SOX5: variants seen among roughly 807,000 people sequenced by gnomAD.
The protein encoded by SOX5 is transcription factor SOX-5.
SOX5 carries 9 observed loss-of-function variants against 92.0 expected under a neutral mutation model. The ratio of observed to expected loss-of-function variants is 0.10; its 90% CI spans 0.06 to 0.17. SOX5 has a LOEUF of 0.17. Ranked by LOEUF, SOX5 falls within the 10% of genes least tolerant of loss-of-function variation. The pLI, the probability that SOX5 is intolerant of heterozygous loss-of-function variation, is 1.00. For synonymous variants in SOX5, 344 were observed against 336.3 expected (o/e 1.02, Z -0.25); for missense variants, 642 against 944.5 (o/e 0.68, Z 4.20).
At chr12:24,164,478 T>C (rs1953151535) in intron 4 of SOX5, among the ~76,000 whole-genome samples, 1 of 152,048 alleles carries the variant, frequency 6.6e-6, no homozygotes, top group African/African-American at 2.4e-5. Context: ...AATAGTAATG[T>C]TGTCTATTTA....
chr12:23,758,450 C>T (rs1390565901), intron 3 of SOX5, among the ~76,000 whole-genome samples: 1 of 150,942 alleles, frequency 6.6e-6, no homozygotes, highest in East Asian at 1.9e-4. Flanking sequence ...ATAATAATAG[C>T]TACTATTTAG....
At chr12:23,700,924 C>T (rs1372140800) in intron 6 of SOX5, among the ~76,000 whole-genome samples, 4 of 151,304 alleles carry the variant, frequency 2.6e-5, no homozygotes, top group Non-Finnish European at 5.9e-5. Context: ...TATATATACA[C>T]ATATACATAT....
chr12:23,811,042 T>G (rs2095867180), intron 3 of SOX5, among the ~76,000 whole-genome samples: 1 of 152,148 alleles, frequency 6.6e-6, no homozygotes, highest in Non-Finnish European at 1.5e-5. Context: ...TATTTTAATC[T>G]GAGTGGGGGT....
intron 4 of SOX5, among the ~76,000 whole-genome samples, chr12:24,008,189 T>C (rs186723694): frequency 7.2e-5 from 11 of 152,272 alleles, no homozygotes; most frequent in African/African-American, 2.4e-4. Context: ...AAGCTACTTT[T>C]ACCAAAACAC....
At chr12:23,830,210 T>A (rs954096985) in intron 3 of SOX5, among the ~76,000 whole-genome samples, 5 of 152,170 alleles carry the variant, frequency 3.3e-5, no homozygotes, top group Non-Finnish European at 5.9e-5. Flanking sequence ...AGAAATAGGC[T>A]CTACAGCATT....
intron 11 of SOX5, 126 bp downstream of exon 11, chr12:23,563,132 T>C (rs900085532): frequency 9.2e-6 from 7 of 756,822 alleles, no homozygotes; most frequent in Non-Finnish European, 1.5e-5. Context: ...TCTATATTAA[T>C]GGAGGGAGAA....
chr12:23,712,218 T>C (rs7304097), intron 6 of SOX5, among the ~76,000 whole-genome samples: 4,176 of 152,292 alleles, frequency 0.027, 206 homozygotes, highest in African/African-American at 0.095. Context: ...ATTCATCAAA[T>C]ATTTTGGTAT....
intron 1 of SOX5, among the ~76,000 whole-genome samples, chr12:24,550,336 T>TA (rs1191531407): frequency 6.6e-6 from 1 of 152,212 alleles, no homozygotes; most frequent in African/African-American, 2.4e-5. Flanking sequence ...GATAGCCACC[T>TA]ATGTTGTTAA....
chr12:23,859,663 C>A (rs1209414061), intron 2 of SOX5, among the ~76,000 whole-genome samples: 1 of 152,150 alleles, frequency 6.6e-6, no homozygotes, highest in Non-Finnish European at 1.5e-5. Flanking sequence ...TACACCCCTC[C>A]CCTTTTGAAA....
intron 2 of SOX5, among the ~76,000 whole-genome samples, chr12:23,878,986 T>C (rs1334434098): frequency 6.6e-6 from 1 of 152,168 alleles, no homozygotes; most frequent in Non-Finnish European, 1.5e-5. Context: ...AATCTTCTCC[T>C]GTTTATTTTT....
intron 1 of SOX5, among the ~76,000 whole-genome samples, chr12:24,374,656 G>C (rs954917655): frequency 3.3e-5 from 5 of 152,126 alleles, no homozygotes; most frequent in African/African-American, 1.2e-4. Flanking sequence ...GTCCAGGTGG[G>C]GCCAATTGCA....
intron 11 of SOX5, among the ~76,000 whole-genome samples, chr12:23,551,002 C>G (rs879508775): frequency 6.6e-6 from 1 of 151,934 alleles, no homozygotes; most frequent in African/African-American, 2.4e-5. Context: ...GAGCTTCGCT[C>G]TCCACCAGAC....
intron 1 of SOX5, among the ~76,000 whole-genome samples, chr12:24,506,892 A>C (rs188142231): frequency 7.0e-6 from 1 of 142,302 alleles, no homozygotes; most frequent in South Asian, 2.2e-4. Context: ...CCGGGTTCAC[A>C]CCATTCTCCT....
At position 23,981,465 on chromosome 12, in the gene SOX5, A is replaced by C. The variant is rs16926918; in HGVS notation, c.-1-85441T>G. Among the ~76,000 whole-genome samples the C allele has an allele frequency of 7.8e-3, 1,189 of 152,330 alleles. 24 individuals carry two copies. The highest frequency in any genetic ancestry group is 0.027 in the African/African-American group (1,131 of 41,582). ...ATGTTGACATTTAAACTTTGTTAAA[A>C]TATGGATCATGTACTCTTTAAGAAC... On this transcript the variant is annotated intron_variant, in intron 4 of 4. Coordinates refer to the SOX5 transcript ENST00000446891.
chr12:23,652,099 C>T (rs1486028454), intron 7 of SOX5, among the ~76,000 whole-genome samples: 2 of 151,960 alleles, frequency 1.3e-5, no homozygotes, highest in African/African-American at 2.4e-5. Context: ...AAATCCTTCT[C>T]CTACTCTTTA....
At chr12:23,996,555 C>A (rs1034179935) in intron 4 of SOX5, among the ~76,000 whole-genome samples, 1 of 152,024 alleles carries the variant, frequency 6.6e-6, no homozygotes, top group African/African-American at 2.4e-5. Context: ...TGAAAATAAC[C>A]CCAATATCCA....
chr12:24,512,599 C>T (rs916265761), intron 1 of SOX5, among the ~76,000 whole-genome samples: 6 of 152,130 alleles, frequency 3.9e-5, no homozygotes, highest in African/African-American at 1.2e-4. Context: ...TGCAATACAA[C>T]GGAAAGAGGT....
Position 24,150,267 on chromosome 12 carries a change from A to G in SOX5, c.-2+63076T>C, listed in dbSNP as rs189047473. On this transcript the variant is annotated intron_variant, in intron 4 of 4. Coordinates refer to the SOX5 transcript ENST00000446891. ...TATTTACTGCACTGTTACATTCTCAATGCCAAAAAAATAATGACTGGCTGT... is the reference window on the plus strand; with the variant it reads ...TATTTACTGCACTGTTACATTCTCAGTGCCAAAAAAATAATGACTGGCTGT... Among the ~76,000 whole-genome samples, 64 of 152,294 alleles carry G rather than the reference A, an allele frequency of 4.2e-4. 1 individual carries two copies. In the South Asian group the frequency reaches 0.012, roughly 30 times the overall value.
chr12:23,546,238 A>T, intron 12 of SOX5, 78 bp downstream of exon 12: 2 of 816,640 alleles, frequency 2.4e-6, no homozygotes, highest in Non-Finnish European at 4.1e-6. Context: ...TGTCTAGTCT[A>T]TTTTTTAGCA....
Sources: allele counts gnomAD v4.1 joint callset (sites outside exome capture counted in the v4.1 genomes callset), GRCh38; gene constraint gnomAD v4.1.1; transcripts MANE v1.5; gene names NCBI Gene and HGNC (gene_info 2026-07-23, HGNC 2026-07-21).